DKK4: variants seen among roughly 807,000 people sequenced by gnomAD.
DKK4 encodes dickkopf Wnt signaling pathway inhibitor 4.
A neutral mutation model predicts 14.5 loss-of-function variants in DKK4; 15 were observed. That is an observed-to-expected ratio of 1.03 (90% confidence interval 0.69 to 1.59). The LOEUF is 1.59. DKK4 is among the 40% of genes most tolerant of loss of function. The pLI is 0.00. For synonymous variants in DKK4, 89 were observed against 105.2 expected (o/e 0.85, Z 0.94); for missense variants, 272 against 280.3 (o/e 0.97, Z 0.21).
At position 42,375,744 on chromosome 8, in the gene DKK4, A is replaced by G. The variant is rs775311632; in HGVS notation, c.198T>C (p.Cys66=). Residue 66 remains cysteine, a synonymous_variant, in exon 2 of 4, where the codon TGT becomes TGC. Transcript: ENST00000220812. Reference sequence around the variant, plus strand: ...GCTGGCACCTCCTCCGCAACCCACGACATGTAGCACAGAACGGCTTCTCAT... The same window carrying G: ...GCTGGCACCTCCTCCGCAACCCACGGCATGTAGCACAGAACGGCTTCTCAT... ...PRDEKPFCAT[C]RGLRRRCQRD... is the part of the protein sequence containing the mutation. 5 of 1,613,972 alleles carry G rather than the reference A, an allele frequency of 3.1e-6. No individual in the cohort carries two copies. Among genetic ancestry groups the G allele is most frequent in the Non-Finnish European group, 4.2e-6 (5 of 1,179,954 alleles).
chr8:42,388,917 C>T, the DKK4 span, among the ~76,000 whole-genome samples: 1 of 152,166 alleles, frequency 6.6e-6, no homozygotes, highest in African/African-American at 2.4e-5. Flanking sequence ...TTTCTATAAG[C>T]CAGGTAAATT....
the DKK4 span, among the ~76,000 whole-genome samples, chr8:42,391,307 C>T: frequency 6.9e-6 from 1 of 144,582 alleles, no homozygotes; most frequent in Non-Finnish European, 1.5e-5. Context: ...GGGCGGATCA[C>T]TTATGCCGTG....
chr8:42,385,501 A>G, the DKK4 span, among the ~76,000 whole-genome samples: 27 of 152,268 alleles, frequency 1.8e-4, no homozygotes, highest in South Asian at 8.3e-4. Flanking sequence ...TCATAACCTC[A>G]TGAAGATCTT....
At chr8:42,385,830 T>C in the DKK4 span, among the ~76,000 whole-genome samples, 1 of 152,170 alleles carries the variant, frequency 6.6e-6, no homozygotes, top group Non-Finnish European at 1.5e-5. Context: ...ATCTTAGAAA[T>C]GTTGGAAAAT....
chr8:42,389,282 G>C, the DKK4 span, among the ~76,000 whole-genome samples: 7 of 152,338 alleles, frequency 4.6e-5, no homozygotes, highest in Admixed American at 2.0e-4. Context: ...ACAATCCTGA[G>C]TAGATATTAA....
chr8:42,379,384 G>C (rs34874272), upstream of DKK4, among the ~76,000 whole-genome samples: 2 of 19,706 alleles, frequency 1.0e-4, no homozygotes, highest in East Asian at 1.8e-3. Context: ...TATATAGAGA[G>C]AGAGAGAGAG....
the DKK4 span, among the ~76,000 whole-genome samples, chr8:42,388,612 C>T: frequency 4.5e-4 from 68 of 152,014 alleles, no homozygotes; most frequent in South Asian, 0.014. Flanking sequence ...CACTCTGTCG[C>T]CAGGCTGGAG....
chr8:42,378,300 C>T (rs1017573545), upstream of DKK4, among the ~76,000 whole-genome samples: 8 of 152,178 alleles, frequency 5.3e-5, no homozygotes, highest in Non-Finnish European at 1.5e-5. Flanking sequence ...TTATTTACTA[C>T]ATTTTCCTGC....
upstream of DKK4, among the ~76,000 whole-genome samples, chr8:42,377,751 C>T (rs1055702594): frequency 2.6e-5 from 4 of 152,250 alleles, no homozygotes; most frequent in Non-Finnish European, 4.4e-5. Flanking sequence ...AAATCCCAAC[C>T]GCTTAAAAGT....
At chr8:42,379,366 TATATATATATATAGAGAG>T (rs1236386308), upstream of DKK4, among the ~76,000 whole-genome samples, 4 of 47,784 alleles carry the variant, frequency 8.4e-5, no homozygotes, top group African/African-American at 1.7e-4. Flanking sequence ...TATATATATA[TATATATATATATAGAGAG>T]AGAGAGAGAG....
chr8:42,385,805 G>GA, the DKK4 span, among the ~76,000 whole-genome samples: 3 of 152,116 alleles, frequency 2.0e-5, no homozygotes, highest in East Asian at 5.8e-4. Context: ...AATTATAAAA[G>GA]AAATACATTC....
the DKK4 span, among the ~76,000 whole-genome samples, chr8:42,383,278 G>C: frequency 6.6e-6 from 1 of 152,220 alleles, no homozygotes; most frequent in Non-Finnish European, 1.5e-5. Context: ...GACAGCACAG[G>C]GGGGATGCCA....
At chr8:42,381,708 T>C (rs530378605), upstream of DKK4, among the ~76,000 whole-genome samples, 1 of 152,148 alleles carries the variant, frequency 6.6e-6, no homozygotes, top group Non-Finnish European at 1.5e-5. Flanking sequence ...AACTAGACCA[T>C]GAGCTCGAGC....
chr8:42,378,129 G>A (rs952360129), upstream of DKK4, among the ~76,000 whole-genome samples: 2 of 151,936 alleles, frequency 1.3e-5, no homozygotes, highest in Admixed American at 1.3e-4. Context: ...TGGACTATTA[G>A]TCAGGTAATT....
chr8:42,384,098 GT>G, the DKK4 span, among the ~76,000 whole-genome samples: 2 of 152,118 alleles, frequency 1.3e-5, no homozygotes, highest in South Asian at 2.1e-4. Context: ...ACAAAACATG[GT>G]GGGGGGAGGT....
At chr8:42,374,564 G>A (rs1000159463) in intron 3 of DKK4, among the ~76,000 whole-genome samples, 197 bp downstream of exon 3, 3 of 152,166 alleles carry the variant, frequency 2.0e-5, no homozygotes, top group African/African-American at 7.2e-5. Flanking sequence ...ATTGATCGTT[G>A]TTACTGGCTG....
At chr8:42,375,280 C>T (rs548408271) in intron 2 of DKK4, among the ~76,000 whole-genome samples, 3 of 152,306 alleles carry the variant, frequency 2.0e-5, no homozygotes, top group East Asian at 3.9e-4. Context: ...GTGGCTTACG[C>T]TTGTAATCCC....
At chr8:42,374,407 C>T in intron 3 of DKK4, 48 bp from the exon 4 acceptor site, 2 of 1,606,280 alleles carry the variant, frequency 1.2e-6, no homozygotes, top group Non-Finnish European at 1.7e-6. Flanking sequence ...GGAAAGTGGC[C>T]TGCTGGGGGT....
chr8:42,374,136 A>G lies in DKK4; in HGVS notation c.639T>C (p.Ala213=). The change falls in exon 4 of 4, where the codon GCT becomes GCC. Residue 213 remains alanine (A), a synonymous_variant. Coordinates refer to ENST00000220812, the MANE Select transcript of DKK4 (RefSeq NM_014420.3). ...RSQLTSNRQH[A]RLRVCQKIEK... ...CTATTTTTTGGCATACTCTTAATCG[A>G]GCATGCTGCCGATTGCTGGTCAATT... 2.5e-6 allele frequency: 4 copies of G among 1,612,752 alleles called. No individual in the cohort carries two copies. Among genetic ancestry groups the G allele is most frequent in the Non-Finnish European group, 3.4e-6 (4 of 1,179,974 alleles).
Sources: gnomAD v4.1 joint callset for allele counts (sites outside exome capture counted in the v4.1 genomes callset) on GRCh38, gnomAD v4.1.1 for gene constraint, MANE v1.5 for transcripts, NCBI Gene and HGNC (gene_info 2026-07-23, HGNC 2026-07-21) for gene names.